The following NRK variants were observed in gnomAD, a reference collection of about 807,000 sequenced individuals.
NRK encodes nik-related protein kinase.
In NRK, 67 loss-of-function variants were observed where a neutral mutation model predicts 125.2. The observed-to-expected ratio is 0.54, with a 90% CI of 0.44 to 0.66. NRK has a LOEUF of 0.66. Ranked by LOEUF, NRK falls within the 30% of genes least tolerant of loss-of-function variation. The probability of loss-of-function intolerance (pLI) is 0.00; values close to 1 mark genes in which losing one functional copy is unlikely to be tolerated. For missense variants in NRK, 1,224 were observed against 1,192.9 expected, an observed-to-expected ratio of 1.03 and a Z score of -0.38; for synonymous variants, 458 against 429.0, an observed-to-expected ratio of 1.07 and a Z score of -0.84.
chrX:105,904,350 A>G (rs1215120559), intron 9 of NRK, among the ~76,000 whole-genome samples: 1 of 111,709 alleles, frequency 9.0e-6, no homozygotes, highest in African/African-American at 3.2e-5. Flanking sequence ...TATAGCACAT[A>G]TTGGAATAGG....
intron 16 of NRK, among the ~76,000 whole-genome samples, chrX:105,919,003 A>G (rs1467457517): frequency 2.1e-5 from 1 of 47,403 alleles, no homozygotes; most frequent in East Asian, 5.2e-4. Flanking sequence ...TGGTTTCCTG[A>G]AAAAAAAAAA....
chrX:105,949,801 A>G, intron 27 of NRK, 67 bp downstream of exon 27: 1 of 716,742 alleles, frequency 1.4e-6, no homozygotes, highest in Non-Finnish European at 2.0e-6. Context: ...AAAGTGTCCT[A>G]AGAAAAGATT....
At chrX:105,845,946 T>A (rs143259337) in intron 2 of NRK, among the ~76,000 whole-genome samples, 1,726 of 111,222 alleles carry the variant, frequency 0.016, 36 homozygotes, top group African/African-American at 0.053. Flanking sequence ...GTTTTCTCCT[T>A]GACATGCCAA....
chrX:105,882,152 C>T (rs1045357452), intron 4 of NRK, among the ~76,000 whole-genome samples: 10 of 110,858 alleles, frequency 9.0e-5, no homozygotes, highest in East Asian at 2.9e-4. Flanking sequence ...CCTTTTCACA[C>T]GTTTATCATG....
intron 2 of NRK, among the ~76,000 whole-genome samples, chrX:105,879,803 T>C (rs1032803717): frequency 9.0e-6 from 1 of 110,983 alleles, no homozygotes; most frequent in Non-Finnish European, 1.9e-5. Flanking sequence ...CAACAACTCG[T>C]TTTCTGCCAT....
Position 105,923,210 on chromosome X carries a change from G to T in NRK, c.2703G>T (p.Arg901=). 1 of 1,209,310 alleles carries T rather than the reference G, an allele frequency of 8.3e-7. No homozygotes were observed. Among genetic ancestry groups the T allele is most frequent in the East Asian group, 3.0e-5 (1 of 33,797 alleles). Residue 901 remains arginine, a synonymous_variant, in exon 18 of 29, where the codon CGG becomes CGT. Coordinates refer to ENST00000243300, the MANE Select transcript of NRK (RefSeq NM_198465.4). ...ATAATGCACTCTCTGAAATCTTCCG[G>T]AATGATTGGTTAACTCCGGCACCTG... ...VGYNALSEIF[R]NDWLTPAPVI...
intron 10 of NRK, among the ~76,000 whole-genome samples, 164 bp from the exon 11 acceptor site, chrX:105,906,250 A>G (rs2040217085): frequency 9.0e-6 from 1 of 111,350 alleles, no homozygotes; most frequent in South Asian, 3.8e-4. Flanking sequence ...TCACTTTATA[A>G]CGTATGTTGC....
chrX:105,893,959 T>G lies in NRK; in HGVS notation c.489+17T>G, dbSNP rs1425586357. 1.1e-6 allele frequency: 1 copy of G among 893,223 alleles called. No homozygotes were observed. Among genetic ancestry groups the G allele is most frequent in the Non-Finnish European group, 1.6e-6 (1 of 609,989 alleles). 73.6% of individuals were successfully genotyped at this position (893,223 alleles called of 1,213,427 possible). ...ATCCTTCAGGTGAGTCTTCATACAG[T>G]CATTCTCTTCTGATCTTTTAAGAAC... On this transcript the variant is annotated intron_variant, in intron 6 of 28. Transcript: ENST00000243300.
chrX:105,915,197 T>A (rs971761775), intron 14 of NRK, among the ~76,000 whole-genome samples: 1 of 110,737 alleles, frequency 9.0e-6, no homozygotes, highest in African/African-American at 3.3e-5. Flanking sequence ...TTCTTAAAGA[T>A]GGGACACTTT....
chrX:105,869,765 T>A (rs1238309967), intron 2 of NRK, among the ~76,000 whole-genome samples: 1 of 109,453 alleles, frequency 9.1e-6, no homozygotes. Flanking sequence ...CTCTTCTCAG[T>A]CATCACCCAT....
At chrX:105,882,760 A>G (rs1007736180) in intron 4 of NRK, among the ~76,000 whole-genome samples, 3 of 111,558 alleles carry the variant, frequency 2.7e-5, no homozygotes, top group Non-Finnish European at 5.6e-5. Context: ...TATGTCTATA[A>G]TTCATGTTAG....
At chrX:105,929,575 A>G (rs2040568820) in intron 19 of NRK, among the ~76,000 whole-genome samples, 1 of 110,572 alleles carries the variant, frequency 9.0e-6, no homozygotes. Flanking sequence ...GGTTTTGTGT[A>G]TCCTTTTTTT....
intron 9 of NRK, among the ~76,000 whole-genome samples, chrX:105,904,063 G>A (rs751919698): frequency 1.8e-5 from 2 of 111,691 alleles, no homozygotes; most frequent in East Asian, 5.6e-4. Context: ...TGGAGTTTTT[G>A]TCTACTACTA....
chrX:105,899,364 C>CAAACAATTAATTGTGG (rs1238359970), intron 8 of NRK, among the ~76,000 whole-genome samples: 1 of 111,897 alleles, frequency 8.9e-6, no homozygotes, highest in Non-Finnish European at 1.9e-5. Context: ...CACATAAGTC[C>CAAACAATTAATTGTGG]AAACAATTAA....
chrX:105,920,841 G>T (rs1318299614), intron 16 of NRK, among the ~76,000 whole-genome samples: 4 of 102,952 alleles, frequency 3.9e-5, no homozygotes, highest in African/African-American at 1.4e-4. Context: ...ACAGGTGCTG[G>T]AGAGGATGTG....
At chrX:105,888,862 A>G (rs957657615) in intron 5 of NRK, among the ~76,000 whole-genome samples, 1 of 111,261 alleles carries the variant, frequency 9.0e-6, no homozygotes, top group Non-Finnish European at 1.9e-5. Context: ...CTCCCACGAC[A>G]TGTGGGAATT....
In NRK at chrX:105,897,232, CAT is replaced by C. The variant is rs1315287612; in HGVS notation, c.581-1349_581-1348del. Among the ~76,000 whole-genome samples the C allele has an allele frequency of 1.8e-5, 2 of 112,426 alleles. 1 individual carries two copies. Among genetic ancestry groups the C allele is most frequent in the South Asian group, 7.3e-4 (2 of 2,746 alleles). On this transcript the variant is annotated intron_variant, in intron 7 of 28. Transcript: ENST00000243300. Reference sequence around the variant, plus strand: ...TAACACATTATAAAATTTAATCACACATATTTTGCACTTAATTCTTTTACAAT... The same window carrying C: ...TAACACATTATAAAATTTAATCACACATTTTGCACTTAATTCTTTTACAAT...
chrX:105,832,766 G>A (rs1473418178), intron 2 of NRK, among the ~76,000 whole-genome samples: 1 of 111,196 alleles, frequency 9.0e-6, no homozygotes, highest in Non-Finnish European at 1.9e-5. Flanking sequence ...GCTCACTCCT[G>A]TAATCCCAAT....
rs754685555 is a variant in NRK, at chrX:105,945,783, T to C, written c.4060-89T>C. 4.8e-6 allele frequency: 4 copies of C among 831,692 alleles called. No homozygotes were observed. The South Asian group carries it at 7.6e-5, about 16-fold the overall frequency. The allele number at this position is 831,692 out of a possible 1,213,427, so 68.5% of individuals were successfully genotyped here. On this transcript the variant is annotated intron_variant, in intron 24 of 28. Transcript: ENST00000243300. ...CTTGGCAATGAATCCTGTTTGGCCT[T>C]TTGTTTTGGACTAGAAACCATAGGA...
Sources: gnomAD v4.1 joint callset for allele counts (sites outside exome capture counted in the v4.1 genomes callset) on GRCh38, gnomAD v4.1.1 for gene constraint, MANE v1.5 for transcripts, NCBI Gene and HGNC (gene_info 2026-07-23, HGNC 2026-07-21) for gene names.